The following DHRSX variants were observed in gnomAD, a reference collection of about 807,000 sequenced individuals.
DHRSX encodes the protein dehydrogenase/reductase X-linked.
Under a neutral mutation model 34.0 loss-of-function variants are expected in DHRSX, and 31 were observed. The ratio of observed to expected loss-of-function variants is 0.91; its 90% confidence interval spans 0.69 to 1.23. DHRSX has a LOEUF of 1.23. Ranked by LOEUF, DHRSX falls within the 50% of genes most tolerant of loss-of-function variation. The probability of loss-of-function intolerance (pLI) is 0.00; values close to 1 mark genes in which losing one functional copy is unlikely to be tolerated. For synonymous variants in DHRSX, 201 were observed against 183.8 expected, an observed-to-expected ratio of 1.09 and a Z score of -0.76; for missense variants, 414 against 428.1, an observed-to-expected ratio of 0.97 and a Z score of 0.29.
intron 1 of DHRSX, chrX:2,489,046 C>T (rs745834083): frequency 1.9e-6 from 3 of 1,613,664 alleles, no homozygotes; most frequent in Non-Finnish European, 2.5e-6. Context: ...CCTGGTCCTC[C>T]ACGCCGCCTG....
intron 4 of DHRSX, 135 bp from the exon 5 acceptor site, chrX:2,267,082 C>T: frequency 1.2e-6 from 1 of 818,376 alleles, no homozygotes; most frequent in Non-Finnish European, 2.0e-6. Flanking sequence ...ATGTCTTCCT[C>T]CTGGGCCTCT....
intron 4 of DHRSX, among the ~76,000 whole-genome samples, chrX:2,282,591 G>GA (rs2041723046): frequency 8.9e-6 from 1 of 112,536 alleles, no homozygotes; most frequent in Non-Finnish European, 1.9e-5. Context: ...AGAGAGAGAA[G>GA]AAAGAGGGGA....
chrX:2,435,246 T>C (rs1244231093), intron 1 of DHRSX, among the ~76,000 whole-genome samples: 1 of 152,082 alleles, frequency 6.6e-6, no homozygotes, highest in Non-Finnish European at 1.5e-5. Context: ...GCACGCACTA[T>C]GAAATTGCAC....
chrX:2,422,494 C>G (rs1265880455), intron 2 of DHRSX, among the ~76,000 whole-genome samples: 2 of 152,136 alleles, frequency 1.3e-5, no homozygotes, highest in Non-Finnish European at 2.9e-5. Context: ...ATCTCCTGAC[C>G]TCGTGATCTG....
intron 3 of DHRSX, among the ~76,000 whole-genome samples, chrX:2,305,853 A>C (rs2042091518): frequency 6.6e-6 from 1 of 151,066 alleles, no homozygotes; most frequent in Non-Finnish European, 1.5e-5. Flanking sequence ...GGTGGGGGGC[A>C]AGGGGAGAGA....
intron 3 of DHRSX, among the ~76,000 whole-genome samples, chrX:2,396,375 C>CTTTTTTTTTTTTTTTTTTT (rs1204243041): frequency 1.7e-4 from 17 of 99,218 alleles, no homozygotes; most frequent in Non-Finnish European, 2.8e-4. Flanking sequence ...CTTTCTTTTT[C>CTTTTTTTTTTTTTTTTTTT]TTTTTTTTTT....
At chrX:2,372,769 C>T (rs1356033544) in intron 3 of DHRSX, among the ~76,000 whole-genome samples, 2 of 151,856 alleles carry the variant, frequency 1.3e-5, no homozygotes, top group Non-Finnish European at 2.9e-5. Context: ...CCACCCTGCC[C>T]GGCTAATTTT....
chrX:2,352,966 C>T (rs997333452), intron 3 of DHRSX, among the ~76,000 whole-genome samples: 13 of 152,124 alleles, frequency 8.5e-5, no homozygotes, highest in African/African-American at 2.7e-4. Context: ...CCAGGCTGGA[C>T]GCAGTGGCTC....
At chrX:2,439,062 T>C (rs965391913) in intron 1 of DHRSX, among the ~76,000 whole-genome samples, 2 of 151,832 alleles carry the variant, frequency 1.3e-5, no homozygotes, top group African/African-American at 4.8e-5. Context: ...GGAGAATTTT[T>C]TGAACCCAGG....
At chrX:2,393,930 C>T (rs2043376166) in intron 3 of DHRSX, among the ~76,000 whole-genome samples, 1 of 151,666 alleles carries the variant, frequency 6.6e-6, no homozygotes, top group African/African-American at 2.4e-5. Flanking sequence ...GTGACCTGCC[C>T]GTCTCCTGCG....
intron 4 of DHRSX, among the ~76,000 whole-genome samples, chrX:2,277,077 G>GAC (rs1396715218): frequency 1.4e-5 from 1 of 69,870 alleles, no homozygotes; most frequent in Non-Finnish European, 2.7e-5. Context: ...GGGAAAGAGA[G>GAC]AAAGAGAGAT....
At chrX:2,484,820 G>C (rs1341871503) in intron 1 of DHRSX, among the ~76,000 whole-genome samples, 1 of 152,038 alleles carries the variant, frequency 6.6e-6, no homozygotes, top group Non-Finnish European at 1.5e-5. Flanking sequence ...CGGAACAAAA[G>C]CAGGAGCTGG....
At chrX:2,480,952 A>G (rs1441490602) in intron 1 of DHRSX, among the ~76,000 whole-genome samples, 1 of 152,254 alleles carries the variant, frequency 6.6e-6, no homozygotes, top group East Asian at 1.9e-4. Flanking sequence ...AGTAGATTTT[A>G]CACATTCTCA....
intron 3 of DHRSX, among the ~76,000 whole-genome samples, chrX:2,313,244 G>A (rs1360179385): frequency 6.6e-6 from 1 of 151,636 alleles, no homozygotes; most frequent in Non-Finnish European, 1.5e-5. Context: ...TAGACCTCAG[G>A]TGATCTGCCT....
At chrX:2,463,317 A>AAAC (rs902267469) in intron 1 of DHRSX, among the ~76,000 whole-genome samples, 2 of 152,068 alleles carry the variant, frequency 1.3e-5, no homozygotes, top group Non-Finnish European at 2.9e-5. Flanking sequence ...CTCCGTCTCA[A>AAAC]AACAACAACA....
At chrX:2,356,138 G>A (rs1376324879) in intron 3 of DHRSX, among the ~76,000 whole-genome samples, 1 of 152,020 alleles carries the variant, frequency 6.6e-6, no homozygotes, top group African/African-American at 2.4e-5. Flanking sequence ...CACTTTGGGA[G>A]GCCGAGGCAG....
intron 3 of DHRSX, among the ~76,000 whole-genome samples, chrX:2,396,468 C>G (rs1206957004): frequency 6.8e-6 from 1 of 147,706 alleles, no homozygotes; most frequent in Non-Finnish European, 1.5e-5. Context: ...ACCTCAGCCT[C>G]CCGGGTTCAA....
rs143644693 is a variant in DHRSX at position 2,367,952 on chromosome X, A to G, written c.286+40793T>C. Among the ~76,000 whole-genome samples the G allele has an allele frequency of 2.8e-3, 426 of 152,238 alleles. 10 individuals are homozygous for G. The highest frequency in any genetic ancestry group is 0.024 in the Admixed American group (374 of 15,282). ...GCTTACGGGTATTTACTCATTAAGA[A>G]TATTTTGAGGCCAGGCACGGAGGCT... On this transcript the variant is annotated intron_variant, in intron 3 of 6. Coordinates refer to ENST00000334651, the MANE Select transcript of DHRSX (RefSeq NM_145177.3).
At chrX:2,399,406 T>A (rs867521175) in intron 3 of DHRSX, among the ~76,000 whole-genome samples, 18 of 142,328 alleles carry the variant, frequency 1.3e-4, no homozygotes, top group African/African-American at 3.9e-4. Context: ...ATTTTATGTT[T>A]AAAAAAAAAA....
Sources: allele counts gnomAD v4.1 joint callset (sites outside exome capture counted in the v4.1 genomes callset), GRCh38; gene constraint gnomAD v4.1.1; transcripts MANE v1.5; gene names NCBI Gene and HGNC (gene_info 2026-07-23, HGNC 2026-07-21).